The following NTM variants were observed in gnomAD, a reference collection of about 807,000 sequenced individuals.
The protein encoded by NTM is neurotrimin, also known as IgLON family member 2.
In NTM, 13 loss-of-function variants were observed where a neutral mutation model predicts 42.1. That is an observed-to-expected ratio of 0.31 (90% confidence interval 0.20 to 0.49). The LOEUF is 0.49. NTM is among the 20% of genes least tolerant of loss of function. The pLI is 0.99. For synonymous variants in NTM, 187 were observed against 179.2 expected (o/e 1.04, Z -0.35); for missense variants, 373 against 452.8 (o/e 0.82, Z 1.60).
chr11:131,803,469 CA>C (rs2092294785), intron 1 of NTM, among the ~76,000 whole-genome samples: 2 of 152,032 alleles, frequency 1.3e-5, no homozygotes, highest in South Asian at 4.1e-4. Flanking sequence ...CCACCACACC[CA>C]GCTAATTTTT....
At chr11:131,392,598 C>T (rs546801973) in intron 1 of NTM, among the ~76,000 whole-genome samples, 3 of 152,312 alleles carry the variant, frequency 2.0e-5, no homozygotes, top group African/African-American at 7.2e-5. Context: ...TAAGCTTCGC[C>T]TCCTGGAGCA....
intron 1 of NTM, among the ~76,000 whole-genome samples, chr11:131,460,245 C>A (rs1309134289): frequency 6.6e-6 from 1 of 152,142 alleles, no homozygotes; most frequent in Non-Finnish European, 1.5e-5. Flanking sequence ...GGGAGCCTAG[C>A]CTTCAGTCTG....
At chr11:131,542,098 G>A (rs2053346989) in intron 1 of NTM, among the ~76,000 whole-genome samples, 1 of 152,162 alleles carries the variant, frequency 6.6e-6, no homozygotes, top group Admixed American at 6.5e-5. Flanking sequence ...TATTGACCTT[G>A]AACAGCTGAC....
intron 2 of NTM, among the ~76,000 whole-genome samples, chr11:132,083,658 C>A (rs1416957587): frequency 6.6e-6 from 1 of 152,182 alleles, no homozygotes; most frequent in African/African-American, 2.4e-5. Context: ...CCCCAGGGGG[C>A]TTTTATTGGC....
chr11:131,639,114 A>C (rs983668777), intron 1 of NTM, among the ~76,000 whole-genome samples: 1 of 152,232 alleles, frequency 6.6e-6, no homozygotes, highest in African/African-American at 2.4e-5. Flanking sequence ...AAACCTGGCC[A>C]CGTGAGCTCA....
intron 1 of NTM, among the ~76,000 whole-genome samples, chr11:131,526,774 G>T (rs1480998388): frequency 6.6e-6 from 1 of 152,228 alleles, no homozygotes; most frequent in Admixed American, 6.5e-5. Context: ...ATATTAACAA[G>T]TGTCAGCATT....
intron 2 of NTM, among the ~76,000 whole-genome samples, chr11:132,038,610 A>T (rs1447480555): frequency 2.0e-5 from 3 of 152,134 alleles, no homozygotes; most frequent in African/African-American, 7.2e-5. Flanking sequence ...AGCACATTGG[A>T]TCCGTGTTCA....
chr11:131,796,890 T>C (rs1462034070), intron 1 of NTM, among the ~76,000 whole-genome samples: 1 of 152,142 alleles, frequency 6.6e-6, no homozygotes, highest in East Asian at 1.9e-4. Flanking sequence ...AGTGTAGGAG[T>C]TGCATTTATT....
intron 2 of NTM, among the ~76,000 whole-genome samples, chr11:132,076,905 C>T (rs2058440492): frequency 6.6e-6 from 1 of 152,132 alleles, no homozygotes; most frequent in Non-Finnish European, 1.5e-5. Context: ...TATTGTGTCT[C>T]ATGTTTTCTT....
At chr11:131,725,232 T>G (rs1443094696) in intron 1 of NTM, among the ~76,000 whole-genome samples, 1 of 152,208 alleles carries the variant, frequency 6.6e-6, no homozygotes, top group Non-Finnish European at 1.5e-5. Flanking sequence ...TATTGGATAC[T>G]CATCACGGCA....
At chr11:131,755,027 G>T (rs2083137434) in intron 1 of NTM, among the ~76,000 whole-genome samples, 1 of 152,186 alleles carries the variant, frequency 6.6e-6, no homozygotes, top group Non-Finnish European at 1.5e-5. Context: ...AAATGTGAAG[G>T]TCTGGGGCTA....
At chr11:131,621,212 C>T (rs2062497581) in intron 1 of NTM, among the ~76,000 whole-genome samples, 1 of 152,146 alleles carries the variant, frequency 6.6e-6, no homozygotes, top group Non-Finnish European at 1.5e-5. Flanking sequence ...TATTCACTGG[C>T]CAGAGTCTTG....
intron 2 of NTM, among the ~76,000 whole-genome samples, chr11:132,020,550 G>C (rs1233949570): frequency 1.3e-5 from 2 of 151,660 alleles, no homozygotes; most frequent in African/African-American, 4.8e-5. Flanking sequence ...ACACATTTTA[G>C]CTTATCACAA....
At position 131,754,222 on chromosome 11, in the gene NTM, T is replaced by C. The variant is rs193271524; in HGVS notation, c.83-157342T>C. On this transcript the variant is annotated intron_variant, in intron 1 of 8. Transcript: ENST00000683400. ...GGGTGCAGCACACCAACATGACACATGTATACATATGTAACTAACCTGCAC... is the reference window on the plus strand; with the variant it reads ...GGGTGCAGCACACCAACATGACACACGTATACATATGTAACTAACCTGCAC... 1.3e-3 allele frequency among the ~76,000 whole-genome samples: 196 copies of C among 151,902 alleles called. 4 individuals carry two copies. Among genetic ancestry groups the C allele is most frequent in the Admixed American group, 6.5e-4 (10 of 15,268 alleles).
At chr11:132,024,031 G>A (rs907336404) in intron 2 of NTM, among the ~76,000 whole-genome samples, 2 of 151,864 alleles carry the variant, frequency 1.3e-5, no homozygotes, top group African/African-American at 4.8e-5. Flanking sequence ...ATGTTAGCCA[G>A]GAGGTCTCGA....
chr11:132,056,960 C>T (rs1019229608), intron 2 of NTM, among the ~76,000 whole-genome samples: 1 of 152,160 alleles, frequency 6.6e-6, no homozygotes, highest in Non-Finnish European at 1.5e-5. Context: ...AGGGGCGCCG[C>T]CTGCTTTGTC....
At position 131,914,841 on chromosome 11, in the gene NTM, CTAAG is replaced by C. The variant is rs1464739787; in HGVS notation, c.167+3195_167+3198del. On this transcript the variant is annotated intron_variant, in intron 2 of 8. Transcript: ENST00000683400. ...GTGCTCACTATGTGTTGGGGAGTATCTAAGTGTTTTAATAATATCTCACCTATCA... is the reference window on the plus strand; with the variant it reads ...GTGCTCACTATGTGTTGGGGAGTATCTGTTTTAATAATATCTCACCTATCA... 4.6e-5 allele frequency among the ~76,000 whole-genome samples: 7 copies of C among 152,288 alleles called. No homozygotes were observed. The East Asian group carries it at 5.8e-4, about 13-fold the overall frequency.
At chr11:132,041,201 G>A (rs1470672439) in intron 2 of NTM, among the ~76,000 whole-genome samples, 1 of 118,282 alleles carries the variant, frequency 8.5e-6, no homozygotes, top group African/African-American at 3.1e-5. Flanking sequence ...GTGTGTGGGT[G>A]TGTGTGTGTG....
chr11:131,880,570 T>C (rs1287158243), intron 1 of NTM, among the ~76,000 whole-genome samples: 2 of 152,134 alleles, frequency 1.3e-5, no homozygotes, highest in East Asian at 3.9e-4. Context: ...GGGAGTCCAG[T>C]GCCAGGTACC....
Sources: gnomAD v4.1 joint callset for allele counts (sites outside exome capture counted in the v4.1 genomes callset) on GRCh38, gnomAD v4.1.1 for gene constraint, MANE v1.5 for transcripts, NCBI Gene and HGNC (gene_info 2026-07-23, HGNC 2026-07-21) for gene names.